The following CLVS1 variants were observed in gnomAD, a reference collection of about 807,000 sequenced individuals.
The protein encoded by CLVS1 is clavesin-1.
CLVS1 carries 10 observed loss-of-function variants against 33.1 expected under a neutral mutation model. The observed-to-expected ratio is 0.30, with a 90% CI of 0.19 to 0.51. The LOEUF (loss-of-function observed/expected upper bound fraction) is 0.51. Ranked by LOEUF, CLVS1 falls within the 20% of genes least tolerant of loss-of-function variation. The pLI, the probability that CLVS1 is intolerant of heterozygous loss-of-function variation, is 0.97. For synonymous variants in CLVS1, 163 were observed against 166.1 expected (o/e 0.98, Z 0.14); for missense variants, 343 against 433.4 (o/e 0.79, Z 1.85).
chr8:61,055,299 C>T (rs143842656), upstream of CLVS1, among the ~76,000 whole-genome samples: 100 of 152,288 alleles, frequency 6.6e-4, 1 homozygote, highest in East Asian at 0.017. Flanking sequence ...TAAAATGTCA[C>T]GTTGCACCCA....
At chr8:61,360,419 C>T (rs1362274420) in intron 2 of CLVS1, among the ~76,000 whole-genome samples, 1 of 152,112 alleles carries the variant, frequency 6.6e-6, no homozygotes, top group Admixed American at 6.6e-5. Flanking sequence ...ATTTTGTATG[C>T]ATGCATTTAA....
At chr8:61,103,774 C>T (rs1585612462) in intron 1 of CLVS1, among the ~76,000 whole-genome samples, 1 of 152,088 alleles carries the variant, frequency 6.6e-6, no homozygotes, top group African/African-American at 2.4e-5. Context: ...ACTGCAGGGT[C>T]GACATGTGCT....
chr8:61,273,100 T>C (rs1809481280), intron 2 of CLVS1, among the ~76,000 whole-genome samples: 1 of 150,504 alleles, frequency 6.6e-6, no homozygotes, highest in Non-Finnish European at 1.5e-5. Flanking sequence ...TTCTGTTCTG[T>C]TTTTTCCCCA....
intron 2 of CLVS1, among the ~76,000 whole-genome samples, chr8:61,363,679 G>T (rs1395444854): frequency 5.9e-5 from 9 of 152,200 alleles, no homozygotes; most frequent in Admixed American, 3.3e-4. Context: ...AATGAACTAT[G>T]TTGACCCCAT....
chr8:61,216,229 G>A (rs1241811361), intron 2 of CLVS1, among the ~76,000 whole-genome samples: 3 of 152,146 alleles, frequency 2.0e-5, no homozygotes. Context: ...TGTTGAAATC[G>A]TTAAGAGCTC....
At chr8:61,010,983 A>C in the CLVS1 span, among the ~76,000 whole-genome samples, 1 of 152,240 alleles carries the variant, frequency 6.6e-6, no homozygotes, top group Non-Finnish European at 1.5e-5. Context: ...GGTTCGCACC[A>C]ATTCAGCTAA....
At chr8:61,064,946 G>A (rs1463644624) in intron 1 of CLVS1, among the ~76,000 whole-genome samples, 2 of 152,188 alleles carry the variant, frequency 1.3e-5, no homozygotes, top group Admixed American at 1.3e-4. Flanking sequence ...CAGGTGATCC[G>A]CACGCCTTGG....
intron 2 of CLVS1, among the ~76,000 whole-genome samples, chr8:61,250,036 T>G (rs1046372696): frequency 6.6e-6 from 1 of 152,234 alleles, no homozygotes; most frequent in African/African-American, 2.4e-5. Flanking sequence ...TTCTAGGATT[T>G]TTATGGTTTT....
At chr8:61,361,438 CT>C (rs2129600033) in intron 2 of CLVS1, among the ~76,000 whole-genome samples, 1 of 152,326 alleles carries the variant, frequency 6.6e-6, no homozygotes, top group African/African-American at 2.4e-5. Flanking sequence ...GCTAGGTTGT[CT>C]CCTTTGTAAA....
chr8:61,332,390 A>G (rs975359313), intron 2 of CLVS1, among the ~76,000 whole-genome samples: 4 of 152,118 alleles, frequency 2.6e-5, no homozygotes, highest in Non-Finnish European at 5.9e-5. Flanking sequence ...CTCTGCCTTC[A>G]GAGGGACTCT....
chr8:61,278,521 A>G (rs1228758547), intron 2 of CLVS1, among the ~76,000 whole-genome samples: 5 of 152,104 alleles, frequency 3.3e-5, no homozygotes, highest in Admixed American at 2.0e-4. Flanking sequence ...AATTTTTCTG[A>G]TGTTATAACT....
chr8:61,054,713 A>G (rs1804447526), upstream of CLVS1, among the ~76,000 whole-genome samples: 1 of 152,102 alleles, frequency 6.6e-6, no homozygotes, highest in African/African-American at 2.4e-5. Context: ...CTTTGGGTCC[A>G]CGTGCAGATA....
At chr8:61,034,528 C>T in the CLVS1 span, among the ~76,000 whole-genome samples, 1 of 152,082 alleles carries the variant, frequency 6.6e-6, no homozygotes, top group African/African-American at 2.4e-5. Flanking sequence ...AACAACTCCC[C>T]ATCCCTCCCC....
intron 3 of CLVS1, among the ~76,000 whole-genome samples, chr8:61,415,678 G>A (rs1313520173): frequency 2.0e-5 from 3 of 151,778 alleles, no homozygotes; most frequent in Non-Finnish European, 4.4e-5. Flanking sequence ...CACGGGTGCC[G>A]GTAAATGCTC....
Position 61,172,250 on chromosome 8 carries a change from T to C in CLVS1, c.-152+40390T>C, listed in dbSNP as rs371496131. On this transcript the variant is annotated intron_variant, in intron 2 of 2. Transcript: ENST00000522621. ...ACTTAGAGGTTTTTGGCTCATGCTG[T>C]TGGAGGGAGGATATTGTTATTCAGC... Among the ~76,000 whole-genome samples, 12 of 152,264 alleles carry C rather than the reference T, an allele frequency of 7.9e-5. No individual in the cohort carries two copies. The East Asian group carries it at 1.2e-3, about 15-fold the overall frequency.
intron 5 of CLVS1, among the ~76,000 whole-genome samples, chr8:61,492,327 A>G (rs1219819437): frequency 6.6e-6 from 1 of 152,200 alleles, no homozygotes; most frequent in Non-Finnish European, 1.5e-5. Flanking sequence ...AATATTAATG[A>G]GATAGTTTAC....
At chr8:61,134,033 C>T (rs1806147214) in intron 2 of CLVS1, among the ~76,000 whole-genome samples, 2 of 152,048 alleles carry the variant, frequency 1.3e-5, no homozygotes, top group Non-Finnish European at 2.9e-5. Flanking sequence ...TAGTTTTAGA[C>T]CCAGTGCATT....
At chr8:61,373,428 C>T (rs1813518201) in intron 2 of CLVS1, among the ~76,000 whole-genome samples, 1 of 152,074 alleles carries the variant, frequency 6.6e-6, no homozygotes, top group African/African-American at 2.4e-5. Flanking sequence ...ACTGCCAGTG[C>T]CTGTGCTGCA....
chr8:61,292,214 T>C, intron 1 of CLVS1: 8 of 380,508 alleles, frequency 2.1e-5, no homozygotes, highest in South Asian at 1.6e-4. Context: ...TCTGAAGAAA[T>C]AAGAGCTCAG....
Sources: gnomAD v4.1 joint callset for allele counts (sites outside exome capture counted in the v4.1 genomes callset) on GRCh38, gnomAD v4.1.1 for gene constraint, MANE v1.5 for transcripts, NCBI Gene and HGNC (gene_info 2026-07-23, HGNC 2026-07-21) for gene names.